The following CAND1 variants were observed in gnomAD, a reference collection of about 807,000 sequenced individuals.
CAND1 encodes the protein cullin associated and neddylation dissociated 1.
A neutral mutation model predicts 108.5 loss-of-function variants in CAND1; 7 were observed. That is an observed-to-expected ratio of 0.06 (90% CI 0.04 to 0.12). CAND1 has a LOEUF of 0.12. CAND1 is among the 10% of genes least tolerant of loss of function. The pLI, the probability that CAND1 is intolerant of heterozygous loss-of-function variation, is 1.00. For missense variants in CAND1, 941 were observed against 1,448.7 expected (o/e 0.65, Z 5.69); for synonymous variants, 534 against 512.0 (o/e 1.04, Z -0.58).
chr12:67,298,868 T>C (rs1007858948), intron 6 of CAND1, 82 bp from the exon 7 acceptor site: 1 of 793,480 alleles, frequency 1.3e-6, no homozygotes, highest in African/African-American at 1.7e-5. Flanking sequence ...ATGTTATTGC[T>C]GGTAATAAAG....
intron 9 of CAND1, 33 bp downstream of exon 9, chr12:67,304,779 T>C: frequency 6.2e-7 from 1 of 1,602,156 alleles, no homozygotes. Context: ...TTTTGGGACT[T>C]ATTGTAGCCT....
In CAND1 at chr12:67,304,690, A is replaced by T; in HGVS notation, c.1379A>T (p.Glu460Val). The T allele has an allele frequency of 6.2e-7, 1 of 1,613,904 alleles. No homozygotes were observed. The highest frequency in any genetic ancestry group is 8.5e-7 in the Non-Finnish European group (1 of 1,179,880). ...CAGTGTTGTTTTAACATGTTAACTGAGCTGGTAAATGTATTACCTGGGGCC... is the reference window on the plus strand; with the variant it reads ...CAGTGTTGTTTTAACATGTTAACTGTGCTGGTAAATGTATTACCTGGGGCC... ...TRQCCFNMLT[E>V]LVNVLPGALT... Residue 460 changes from glutamate to valine, a missense_variant, in exon 9 of 15, where the codon GAG becomes GTG. Coordinates refer to ENST00000545606, the MANE Select transcript of CAND1 (RefSeq NM_018448.5).
intron 13 of CAND1, chr12:67,310,828 T>C (rs1185466232): frequency 2.0e-5 from 3 of 152,122 alleles, no homozygotes; most frequent in Non-Finnish European, 2.9e-5. Context: ...AATTTTGTTA[T>C]AGGACATGGA....
rs2045038434 is a variant in CAND1 at position 67,319,373 on chromosome 12, GA to G, written c.*6545del. 6.6e-6 allele frequency: 1 copy of G among 152,142 alleles called. No homozygotes were observed. The highest frequency in any genetic ancestry group is 2.4e-5 in the African/African-American group (1 of 41,412). 9.4% of individuals were successfully genotyped at this position (152,142 alleles called of 1,614,324 possible). A position where few individuals can be genotyped will look rare whatever the true frequency, so the allele number is the denominator to read the frequency against. ...AAGGTCAAGTTATGCCTTTTGCCTG[GA>G]ATGACTTGACTTCTCTTTTGTTTTA... On this transcript the variant is annotated 3_prime_UTR_variant, in exon 15 of 15. Transcript: ENST00000545606.
Position 67,313,121 on chromosome 12 carries a change from G to T in CAND1, c.*291G>T, listed in dbSNP as rs2044970396. The T allele has an allele frequency of 4.4e-6, 1 of 227,548 alleles. No homozygotes were observed. The highest frequency in any genetic ancestry group is 8.6e-6 in the Non-Finnish European group (1 of 116,672). 14.1% of individuals were successfully genotyped at this position (227,548 alleles called of 1,614,324 possible). A position where few individuals can be genotyped will look rare whatever the true frequency, so the allele number is the denominator to read the frequency against. On this transcript the variant is annotated 3_prime_UTR_variant, in exon 15 of 15. Transcript: ENST00000545606. ...GGATTTTATGGAGTATGGAGATAGG[G>T]TCCAGTATCTATTTACCCTGTAATG...
chr12:67,287,403 A>T (rs1444325980), intron 2 of CAND1, among the ~76,000 whole-genome samples: 1 of 152,162 alleles, frequency 6.6e-6, no homozygotes, highest in Non-Finnish European at 1.5e-5. Context: ...TTTGATTAAA[A>T]TTGTGTCTGT....
chr12:67,292,815 G>T (rs765303490), intron 3 of CAND1, 39 bp downstream of exon 3: 1 of 1,605,516 alleles, frequency 6.2e-7, no homozygotes, highest in South Asian at 1.1e-5. Flanking sequence ...TTCTTTTTGT[G>T]TGGAGGTATT....
At chr12:67,298,634 C>T (rs1319036422) in intron 6 of CAND1, among the ~76,000 whole-genome samples, 2 of 152,086 alleles carry the variant, frequency 1.3e-5, no homozygotes, top group Admixed American at 6.5e-5. Context: ...CTGAAGAGCA[C>T]ATTCATCTGG....
Position 67,307,448 on chromosome 12 carries a change from C to A in CAND1, c.2981C>A (p.Ser994Tyr). ...SVVTAVKFTI[S>Y]DHPQPIDPLL... ...GTTACGGCTGTGAAATTTACAATTTCTGACCATCCACAACCTATTGATCCA... is the reference window on the plus strand; with the variant it reads ...GTTACGGCTGTGAAATTTACAATTTATGACCATCCACAACCTATTGATCCA... The change falls in exon 11 of 15, where the codon TCT becomes TAT. Residue 994 changes from serine (S) to tyrosine (Y), a missense_variant. Coordinates refer to ENST00000545606, the MANE Select transcript of CAND1 (RefSeq NM_018448.5). The A allele has an allele frequency of 6.2e-7, 1 of 1,611,068 alleles. No individual in the cohort carries two copies. Among genetic ancestry groups the A allele is most frequent in the East Asian group, 2.2e-5 (1 of 44,836 alleles).
chr12:67,309,156 A>G (rs2044922431), intron 11 of CAND1, among the ~76,000 whole-genome samples: 1 of 152,006 alleles, frequency 6.6e-6, no homozygotes. Flanking sequence ...GTTCTTGCCT[A>G]AAGTAACTTG....
chr12:67,272,418 CTATT>C (rs1276614888), intron 1 of CAND1, among the ~76,000 whole-genome samples: 3 of 152,028 alleles, frequency 2.0e-5, no homozygotes, highest in Non-Finnish European at 4.4e-5. Context: ...AATTTCAGGT[CTATT>C]TATATAATTA....
In CAND1 at chr12:67,317,279, G is replaced by A. The variant is rs969023967; in HGVS notation, c.*4449G>A. 1.4e-4 allele frequency: 22 copies of A among 152,072 alleles called. No individual in the cohort carries two copies. Among genetic ancestry groups the A allele is most frequent in the African/African-American group, 4.8e-4 (20 of 41,302 alleles). The allele number at this position is 152,072 out of a possible 1,614,324, so 9.4% of individuals were successfully genotyped here. On this transcript the variant is annotated 3_prime_UTR_variant, in exon 15 of 15. Transcript: ENST00000545606. The stretch of plus-strand genomic sequence containing the variant: ...GCCTCCCGAGTAGCTGGGAGTATAG[G>A]TGTGTGCCACCACGTCCAGCTAATT...
chr12:67,292,860 G>T, intron 3 of CAND1, 84 bp downstream of exon 3: 1 of 1,338,374 alleles, frequency 7.5e-7, no homozygotes, highest in South Asian at 1.2e-5. Context: ...TGGCCAAGGA[G>T]GGAGGGAGGT....
At chr12:67,286,352 T>A (rs1260709850) in intron 2 of CAND1, among the ~76,000 whole-genome samples, 1 of 152,176 alleles carries the variant, frequency 6.6e-6, no homozygotes, top group Non-Finnish European at 1.5e-5. Flanking sequence ...ACTGCTCTTG[T>A]TCACTTAGCT....
chr12:67,277,071 A>G (rs117671149), intron 1 of CAND1, among the ~76,000 whole-genome samples: 444 of 152,304 alleles, frequency 2.9e-3, no homozygotes, highest in Non-Finnish European at 5.1e-3. Flanking sequence ...AGCTGACTGT[A>G]TTACCCAGTC....
In CAND1 at chr12:67,305,434, C is replaced by G; in HGVS notation, c.1766C>G (p.Ala589Gly). The change falls in exon 10 of 15, where the codon GCT becomes GGT. Residue 589 changes from alanine to glycine, a missense_variant. Ala to Gly is a moderately conservative substitution (Grantham distance 60). Around this residue, in one of 9 missense-constraint regions of CAND1, gnomAD observed 697 missense variants for 942.0 expected, o/e 0.74. Transcript: ENST00000545606. This position sits in a 1 kb window ranked among gnomAD's most constrained non-coding sequence, Gnocchi z 4.4. ...ATTGATCAGGAAGTCAAGGAAAGGG[C>G]TATTTCCTGTATGGGACAAATTATT... Reference protein sequence around the residue: ...ADIDQEVKERAISCMGQIICN... With the variant: ...ADIDQEVKERGISCMGQIICN... 1 of 1,613,678 alleles carries G rather than the reference C, an allele frequency of 6.2e-7. No homozygotes were observed. The highest frequency in any genetic ancestry group is 8.5e-7 in the Non-Finnish European group (1 of 1,179,974).
At chr12:67,278,813 C>T (rs1303666582) in intron 1 of CAND1, among the ~76,000 whole-genome samples, 5 of 152,196 alleles carry the variant, frequency 3.3e-5, no homozygotes, top group Non-Finnish European at 7.3e-5. Context: ...GCCACTGGCA[C>T]CTGGCCCCAT....
intron 8 of CAND1, among the ~76,000 whole-genome samples, chr12:67,303,866 G>C (rs1017277364): frequency 6.6e-6 from 1 of 151,930 alleles, no homozygotes; most frequent in East Asian, 1.9e-4. Context: ...TTCGATGGTT[G>C]CTTTTCCATA....
At chr12:67,275,921 C>T (rs1435213307) in intron 1 of CAND1, among the ~76,000 whole-genome samples, 1 of 152,182 alleles carries the variant, frequency 6.6e-6, no homozygotes, top group Non-Finnish European at 1.5e-5. Flanking sequence ...AAGTCTGAAA[C>T]GTAAACATTT....
Sources: allele counts gnomAD v4.1 joint callset (sites outside exome capture counted in the v4.1 genomes callset), GRCh38; gene constraint gnomAD v4.1.1; regional missense constraint gnomAD v4.1.1; non-coding constraint Gnocchi (gnomAD v3.1); transcripts MANE v1.5; gene names NCBI Gene and HGNC (gene_info 2026-07-23, HGNC 2026-07-21).